The following MON2 variants were observed in gnomAD, a reference collection of about 807,000 sequenced individuals.
MON2 encodes the protein protein MON2 homolog.
MON2 carries 84 observed loss-of-function variants against 208.6 expected under a neutral mutation model. The ratio of observed to expected loss-of-function variants is 0.40; its 90% confidence interval spans 0.34 to 0.48. The LOEUF (loss-of-function observed/expected upper bound fraction) is 0.48. Among genes scored for constraint, MON2 ranks in the 20% least tolerant of loss-of-function variants. MON2 has a pLI of 0.59. For synonymous variants in MON2, 660 were observed against 694.0 expected (o/e 0.95, Z 0.77); for missense variants, 1,611 against 2,015.4 (o/e 0.80, Z 3.84).
intron 1 of MON2, among the ~76,000 whole-genome samples, chr12:62,477,483 C>T (rs1323720989): frequency 1.3e-5 from 2 of 152,000 alleles, no homozygotes; most frequent in Non-Finnish European, 2.9e-5. Flanking sequence ...CGGAGTGTGG[C>T]AGTGCAATCA....
intron 7 of MON2, among the ~76,000 whole-genome samples, chr12:62,506,850 G>A (rs1390999896): frequency 6.6e-6 from 1 of 152,000 alleles, no homozygotes; most frequent in East Asian, 1.9e-4. Flanking sequence ...TATTTTCTTT[G>A]TTTATAGCTT....
At chr12:62,536,915 C>T (rs925281779) in intron 14 of MON2, among the ~76,000 whole-genome samples, 2 of 152,008 alleles carry the variant, frequency 1.3e-5, no homozygotes, top group Non-Finnish European at 2.9e-5. Context: ...CCTTGAACTC[C>T]TGACCTCAAA....
At chr12:62,565,476 G>A in intron 27 of MON2, 96 bp downstream of exon 27, 7 of 1,087,582 alleles carry the variant, frequency 6.4e-6, no homozygotes, top group Non-Finnish European at 9.0e-6. Flanking sequence ...CTCGGAAAAG[G>A]ATACTTTTCA....
rs563444690 is a variant in MON2 at position 62,493,571 on chromosome 12, T to A, written c.176-344T>A. Among the ~76,000 whole-genome samples, 20 of 152,288 alleles carry A rather than the reference T, an allele frequency of 1.3e-4. No individual in the cohort carries two copies. The South Asian group carries it at 3.7e-3, about 28-fold the overall frequency. ...TGGGAATTCTTATTTATGTTTTCCC[T>A]CCTGTAGTATATGAAGAAATAGAGT... On this transcript the variant is annotated intron_variant, in intron 2 of 34. Transcript: ENST00000393630.
intron 1 of MON2, among the ~76,000 whole-genome samples, chr12:62,477,675 CA>C (rs1231414265): frequency 6.6e-6 from 1 of 152,012 alleles, no homozygotes; most frequent in African/African-American, 2.4e-5. Context: ...CTTGACCTCC[CA>C]AAGTGCTGGG....
chr12:62,583,752 T>G (rs1168858134), intron 32 of MON2, among the ~76,000 whole-genome samples: 2 of 150,176 alleles, frequency 1.3e-5, no homozygotes, highest in Non-Finnish European at 3.0e-5. Flanking sequence ...AGTTCGAGAC[T>G]GTCCTGGCCA....
intron 22 of MON2, 46 bp from the exon 23 acceptor site, chr12:62,549,622 A>G: frequency 6.6e-7 from 1 of 1,507,728 alleles, no homozygotes; most frequent in Non-Finnish European, 8.9e-7. Context: ...AAAAATAAAT[A>G]AATAAATAAA....
Position 62,592,917 on chromosome 12 carries a change from A to C in MON2, c.*168A>C, listed in dbSNP as rs549416856. ...TCAGTAATTCATATTACAGGCTTGC[A>C]CATCAACAAAGGCTCCTGAATGAAC... On this transcript the variant is annotated 3_prime_UTR_variant, in exon 35 of 35. Transcript: ENST00000393630. The C allele has an allele frequency of 5.1e-6, 3 of 586,332 alleles. No homozygotes were observed. The African/African-American group carries it at 5.5e-5, about 11-fold the overall frequency. 36.3% of individuals were successfully genotyped at this position (586,332 alleles called of 1,614,324 possible).
At chr12:62,549,940 G>C (rs781582771) in intron 23 of MON2, 110 bp downstream of exon 23, 5 of 617,216 alleles carry the variant, frequency 8.1e-6, no homozygotes, top group Admixed American at 3.9e-5. Flanking sequence ...TGTTTATATG[G>C]CTTTTAAATT....
chr12:62,525,274 T>A, intron 10 of MON2, 54 bp downstream of exon 10: 1 of 1,573,626 alleles, frequency 6.4e-7, no homozygotes. Flanking sequence ...GTTACAGTAT[T>A]GACTGTTCTG....
chr12:62,492,650 C>T (rs1285563088), intron 2 of MON2, among the ~76,000 whole-genome samples: 7 of 145,446 alleles, frequency 4.8e-5, no homozygotes, highest in Non-Finnish European at 7.5e-5. Flanking sequence ...GGATTACAGG[C>T]GTGAGCCACC....
At chr12:62,484,135 T>A in intron 1 of MON2, 35 bp from the exon 2 acceptor site, 1 of 1,451,150 alleles carries the variant, frequency 6.9e-7, no homozygotes, top group Non-Finnish European at 9.5e-7. Flanking sequence ...ATTTTGGCAG[T>A]AAATTTTGTG....
chr12:62,500,903 T>C, intron 6 of MON2, 23 bp downstream of exon 6: 1 of 1,342,520 alleles, frequency 7.4e-7, no homozygotes, highest in Non-Finnish European at 1.0e-6. Flanking sequence ...ATAAAAGTAA[T>C]TTTTATTCTA....
At chr12:62,551,969 T>C (rs1018855707) in intron 23 of MON2, among the ~76,000 whole-genome samples, 8 of 152,110 alleles carry the variant, frequency 5.3e-5, no homozygotes, top group Admixed American at 4.6e-4. Context: ...AATAGAAAAT[T>C]TTTTTTTAAA....
At chr12:62,556,288 CT>C in intron 25 of MON2, 96 bp downstream of exon 25, 1 of 1,170,316 alleles carries the variant, frequency 8.5e-7, no homozygotes, top group Non-Finnish European at 1.2e-6. Context: ...TTAACTTAGT[CT>C]TTATGTGTGG....
Position 62,560,931 on chromosome 12 carries a change from T to G in MON2, c.3850T>G (p.Tyr1284Asp). The change falls in exon 26 of 35, where the codon TAC (tyrosine) becomes GAC (aspartate). Residue 1284 changes from tyrosine (Y) to aspartate (D), a missense_variant. Physicochemically the swap from Tyr to Asp is radical, Grantham distance 160 (BLOSUM62 -3). Coordinates refer to ENST00000393630, the MANE Select transcript of MON2 (RefSeq NM_015026.3). ...TALIQIFPAL[Y>D]QHIKTGFNMD... Reference sequence around the variant, plus strand: ...TTTAATTCAGATATTTCCAGCTCTCTACCAACACATAAAAACTGGTTTCAA... The same window carrying G: ...TTTAATTCAGATATTTCCAGCTCTCGACCAACACATAAAAACTGGTTTCAA... 1 of 1,613,894 alleles carries G rather than the reference T, an allele frequency of 6.2e-7. No homozygotes were observed. Among genetic ancestry groups the G allele is most frequent in the Non-Finnish European group, 8.5e-7 (1 of 1,179,806 alleles).
chr12:62,470,105 C>A (rs892383224), intron 1 of MON2, among the ~76,000 whole-genome samples: 2 of 151,836 alleles, frequency 1.3e-5, no homozygotes, highest in African/African-American at 4.8e-5. Context: ...CAGGGTCTCA[C>A]CATGTTGCCG....
chr12:62,499,653 T>G (rs2070728013), intron 5 of MON2, among the ~76,000 whole-genome samples: 1 of 152,076 alleles, frequency 6.6e-6, no homozygotes. Flanking sequence ...GTGGGTGGAT[T>G]GCCTGACTCA....
At chr12:62,511,821 T>A (rs1162598039) in intron 8 of MON2, among the ~76,000 whole-genome samples, 1 of 152,178 alleles carries the variant, frequency 6.6e-6, no homozygotes, top group Non-Finnish European at 1.5e-5. Context: ...CAGAGTTGTA[T>A]TAGTTTTTAC....
Sources: gnomAD v4.1 joint callset for allele counts (sites outside exome capture counted in the v4.1 genomes callset) on GRCh38, gnomAD v4.1.1 for gene constraint, MANE v1.5 for transcripts, NCBI Gene and HGNC (gene_info 2026-07-23, HGNC 2026-07-21) for gene names.